Variants in SORCS2 observed in about 807,000 individuals in gnomAD.
The protein encoded by SORCS2 is VPS10 domain-containing receptor SorCS2.
Under a neutral mutation model 141.6 loss-of-function variants are expected in SORCS2, and 100 were observed. The ratio of observed to expected loss-of-function variants is 0.71; its 90% CI spans 0.60 to 0.83. SORCS2 has a LOEUF of 0.83. Ranked by LOEUF, SORCS2 falls within the 40% of genes least tolerant of loss-of-function variation. The pLI, the probability that SORCS2 is intolerant of heterozygous loss-of-function variation, is 0.00. For missense variants in SORCS2, 1,646 were observed against 1,560.2 expected, an observed-to-expected ratio of 1.05 and a Z score of -0.93; for synonymous variants, 789 against 676.9, an observed-to-expected ratio of 1.17 and a Z score of -2.57.
intron 1 of SORCS2, among the ~76,000 whole-genome samples, chr4:7,298,828 C>G (rs1560173821): frequency 6.6e-6 from 1 of 152,238 alleles, no homozygotes; most frequent in African/African-American, 2.4e-5. Flanking sequence ...GCAAACATCC[C>G]TGGGATCCTC....
chr4:7,321,635 T>G (rs1441969088), intron 1 of SORCS2, among the ~76,000 whole-genome samples: 2 of 152,070 alleles, frequency 1.3e-5, no homozygotes, highest in African/African-American at 4.8e-5. Context: ...AACAAGAGAA[T>G]TCTGAGTGGG....
intron 1 of SORCS2, among the ~76,000 whole-genome samples, chr4:7,200,844 A>C (rs1727446825): frequency 6.6e-6 from 1 of 152,224 alleles, no homozygotes; most frequent in Non-Finnish European, 1.5e-5. Flanking sequence ...TGGCCAGCAG[A>C]GCCACCAATG....
rs986455301 is a variant in SORCS2, at chr4:7,557,362, G to A, written c.648+25733G>A. Among the ~76,000 whole-genome samples the A allele has an allele frequency of 3.3e-5, 5 of 152,262 alleles. No individual in the cohort carries two copies. In the East Asian group the frequency reaches 9.7e-4, roughly 29 times the overall value. On this transcript the variant is annotated intron_variant, in intron 3 of 26. Coordinates refer to ENST00000507866, the MANE Select transcript of SORCS2 (RefSeq NM_020777.3). ...TATCTGAGCCTCAATTACTTCATCT[G>A]TAAATTGGGGTTGGTGACACTGCTC...
chr4:7,473,884 C>A (rs1730132104), intron 2 of SORCS2, among the ~76,000 whole-genome samples: 1 of 152,200 alleles, frequency 6.6e-6, no homozygotes, highest in South Asian at 2.1e-4. Context: ...GCCCACTTCA[C>A]CTCCTTCCAG....
intron 1 of SORCS2, among the ~76,000 whole-genome samples, chr4:7,350,133 C>T (rs938066571): frequency 1.3e-5 from 2 of 152,182 alleles, no homozygotes; most frequent in East Asian, 1.9e-4. Context: ...TAAATGGACA[C>T]GACTCTTGTT....
chr4:7,450,171 C>G (rs988255884), intron 2 of SORCS2, among the ~76,000 whole-genome samples: 1 of 152,210 alleles, frequency 6.6e-6, no homozygotes, highest in Non-Finnish European at 1.5e-5. Context: ...CCTCAGTGTC[C>G]TCATCTGTGT....
At chr4:7,560,217 A>G (rs963123432) in intron 3 of SORCS2, among the ~76,000 whole-genome samples, 7 of 152,210 alleles carry the variant, frequency 4.6e-5, no homozygotes, top group Non-Finnish European at 8.8e-5. Context: ...GGCTGGGGCC[A>G]GGAAGCTTCT....
chr4:7,426,194 C>G (rs968515224), intron 2 of SORCS2, among the ~76,000 whole-genome samples: 1 of 152,222 alleles, frequency 6.6e-6, no homozygotes, highest in African/African-American at 2.4e-5. Context: ...CGGGCCAGGG[C>G]CTGTGTTTTA....
chr4:7,381,350 C>A (rs1050914819), intron 1 of SORCS2, among the ~76,000 whole-genome samples: 1 of 152,206 alleles, frequency 6.6e-6, no homozygotes, highest in Non-Finnish European at 1.5e-5. Flanking sequence ...GGGCGGAGCA[C>A]AGAGCTGGAG....
chr4:7,642,274 C>T (rs1187564764), intron 4 of SORCS2, among the ~76,000 whole-genome samples: 1 of 152,246 alleles, frequency 6.6e-6, no homozygotes, highest in Admixed American at 6.5e-5. Context: ...ATGGCTTGTG[C>T]TTCTGGGTAT....
At chr4:7,322,338 G>T (rs1259563618) in intron 1 of SORCS2, among the ~76,000 whole-genome samples, 1 of 152,178 alleles carries the variant, frequency 6.6e-6, no homozygotes, top group African/African-American at 2.4e-5. Flanking sequence ...GCATGCAGCT[G>T]CTGTCTCTGG....
chr4:7,363,363 A>T (rs1721712092), intron 1 of SORCS2, among the ~76,000 whole-genome samples: 1 of 151,988 alleles, frequency 6.6e-6, no homozygotes, highest in African/African-American at 2.4e-5. Context: ...CATCATTACT[A>T]TCACCACTAT....
chr4:7,349,172 G>C (rs1214699103), intron 1 of SORCS2, among the ~76,000 whole-genome samples: 1 of 152,160 alleles, frequency 6.6e-6, no homozygotes, highest in African/African-American at 2.4e-5. Context: ...GTGTCTACGA[G>C]GAAGCTGGGG....
intron 2 of SORCS2, among the ~76,000 whole-genome samples, chr4:7,443,426 C>T (rs1258141056): frequency 2.6e-5 from 4 of 152,132 alleles, no homozygotes; most frequent in African/African-American, 7.2e-5. Flanking sequence ...AGCGCACAGC[C>T]GCGAATGGAG....
At chr4:7,485,072 G>A (rs979457059) in intron 2 of SORCS2, among the ~76,000 whole-genome samples, 3 of 152,192 alleles carry the variant, frequency 2.0e-5, no homozygotes, top group East Asian at 1.9e-4. Flanking sequence ...AACAAGAGAT[G>A]TAGGAGTCTG....
chr4:7,334,797 T>C (rs1446531959), intron 1 of SORCS2, among the ~76,000 whole-genome samples: 1 of 151,968 alleles, frequency 6.6e-6, no homozygotes, highest in Non-Finnish European at 1.5e-5. Context: ...CCTGGCCGGC[T>C]TCATGGAAGA....
intron 21 of SORCS2, 98 bp downstream of exon 21, chr4:7,727,001 T>G: frequency 7.4e-7 from 1 of 1,344,720 alleles, no homozygotes; most frequent in Non-Finnish European, 1.0e-6. Flanking sequence ...GATGTCCTGG[T>G]CACCCTGAGT....
chr4:7,497,455 C>G (rs1019469539), intron 2 of SORCS2, among the ~76,000 whole-genome samples: 37 of 152,344 alleles, frequency 2.4e-4, no homozygotes, highest in African/African-American at 8.9e-4. Context: ...TCTCTTACCC[C>G]CTCCTCCTAG....
At chr4:7,726,273 G>C (rs956492428) in intron 20 of SORCS2, among the ~76,000 whole-genome samples, 13 of 152,228 alleles carry the variant, frequency 8.5e-5, no homozygotes, top group African/African-American at 3.1e-4. Flanking sequence ...TGCCCGTGGG[G>C]GGCAGGCCTG....
Sources: gnomAD v4.1 joint callset for allele counts (sites outside exome capture counted in the v4.1 genomes callset) on GRCh38, gnomAD v4.1.1 for gene constraint, MANE v1.5 for transcripts, NCBI Gene and HGNC (gene_info 2026-07-23, HGNC 2026-07-21) for gene names.